Variants in ACTN2 observed in about 807,000 individuals in gnomAD.
ACTN2 encodes alpha-actinin-2.
In ACTN2, 39 loss-of-function variants were observed where a neutral mutation model predicts 113.8. The ratio of observed to expected loss-of-function variants is 0.34; its 90% CI spans 0.27 to 0.45. ACTN2 has a LOEUF of 0.45. Ranked by LOEUF, ACTN2 falls within the 20% of genes least tolerant of loss-of-function variation. The pLI is 1.00. For missense variants in ACTN2, 992 were observed against 1,177.9 expected (o/e 0.84, Z 2.31); for synonymous variants, 429 against 444.1 (o/e 0.97, Z 0.43).
rs1248687374 is a variant in ACTN2 at position 236,751,529 on chromosome 1, G to A, written c.1716G>A (p.Arg572=). 1 of 1,614,128 alleles carries A rather than the reference G, an allele frequency of 6.2e-7. No homozygotes were observed. The highest frequency in any genetic ancestry group is 8.5e-7 in the Non-Finnish European group (1 of 1,180,024). The change falls in exon 15 of 21, where the codon CGG becomes CGA. Residue 572 remains arginine (R), a synonymous_variant. Transcript: ENST00000366578. ...KATLPEADGE[R]QSIMAIQNEV... is the part of the protein sequence containing the mutation. ...CGCTGCCCGAGGCGGACGGAGAGCG[G>A]CAGTCCATCATGGCCATCCAGAACG... is the stretch of plus-strand genomic sequence containing the variant.
Position 236,762,810 on chromosome 1 carries a change from G to A in ACTN2, c.*191G>A. On this transcript the variant is annotated 3_prime_UTR_variant, in exon 21 of 21. Coordinates refer to ENST00000366578, the MANE Select transcript of ACTN2 (RefSeq NM_001103.4). ...TGAAGTTTTTACAGTATATGACATA[G>A]TGCGCTTCATAAATAGGTTTATTTC... 1 of 661,536 alleles carries A rather than the reference G, an allele frequency of 1.5e-6. No individual in the cohort carries two copies. Among genetic ancestry groups the A allele is most frequent in the Non-Finnish European group, 2.6e-6 (1 of 384,018 alleles). 41.0% of individuals were successfully genotyped at this position (661,536 alleles called of 1,614,324 possible).
intron 1 of ACTN2, among the ~76,000 whole-genome samples, chr1:236,694,527 CT>C (rs1446263036): frequency 6.6e-6 from 1 of 152,088 alleles, no homozygotes; most frequent in Non-Finnish European, 1.5e-5. Context: ...CTGGCCCGCA[CT>C]GACATTTATT....
intron 1 of ACTN2, among the ~76,000 whole-genome samples, chr1:236,689,648 C>T (rs1572089358): frequency 6.6e-6 from 1 of 152,160 alleles, no homozygotes; most frequent in African/African-American, 2.4e-5. Flanking sequence ...CCACGATGCT[C>T]AGCCCCAGAT....
At chr1:236,759,305 A>C (rs1004186513) in intron 18 of ACTN2, among the ~76,000 whole-genome samples, 5 of 152,248 alleles carry the variant, frequency 3.3e-5, no homozygotes, top group Non-Finnish European at 7.3e-5. Flanking sequence ...GCTACTTTAT[A>C]GGAAGAAAGC....
At chr1:236,723,378 A>G (rs1658456678) in intron 4 of ACTN2, among the ~76,000 whole-genome samples, 1 of 152,192 alleles carries the variant, frequency 6.6e-6, no homozygotes, top group Admixed American at 6.5e-5. Flanking sequence ...GTTATAGCAC[A>G]TGGAACTTTA....
At chr1:236,688,775 G>T (rs902637917) in intron 1 of ACTN2, among the ~76,000 whole-genome samples, 1 of 152,152 alleles carries the variant, frequency 6.6e-6, no homozygotes, top group Non-Finnish European at 1.5e-5. Context: ...TGAACTGTGA[G>T]CTCAGTGTGG....
Position 236,754,424 on chromosome 1 carries a change from G to A in ACTN2, c.1974+343G>A, listed in dbSNP as rs767708206. ...CCATCTATCCCTACAAGGAGGACAC[G>A]TGAAGGCCCACAAATACTTTGCATT... On this transcript the variant is annotated intron_variant, in intron 16 of 20. Coordinates refer to ENST00000366578, the MANE Select transcript of ACTN2 (RefSeq NM_001103.4). This position sits in a 1 kb window ranked among gnomAD's most constrained non-coding sequence, Gnocchi z 4.9. Among the ~76,000 whole-genome samples, 7 of 152,210 alleles carry A rather than the reference G, an allele frequency of 4.6e-5. No individual in the cohort carries two copies. Among genetic ancestry groups the A allele is most frequent in the African/African-American group, 9.7e-5 (4 of 41,444 alleles).
rs188238558 is a variant in ACTN2 at position 236,754,579 on chromosome 1, T to C, written c.1975-440T>C. On this transcript the variant is annotated intron_variant, in intron 16 of 20. Coordinates refer to ENST00000366578, the MANE Select transcript of ACTN2 (RefSeq NM_001103.4). This position sits in a 1 kb window ranked among gnomAD's most constrained non-coding sequence, Gnocchi z 4.9. Reference sequence around the variant, plus strand: ...ACCCTTTTGGTGTTGAAATATTGACTTTTTTCTTAAAGCGGAGACCATGTA... The same window carrying C: ...ACCCTTTTGGTGTTGAAATATTGACCTTTTTCTTAAAGCGGAGACCATGTA... Among the ~76,000 whole-genome samples, 853 of 152,270 alleles carry C rather than the reference T, an allele frequency of 5.6e-3. 22 individuals carry two copies. Among genetic ancestry groups the C allele is most frequent in the Non-Finnish European group, 1.4e-3 (93 of 68,024 alleles).
chr1:236,700,043 C>G (rs1657627973), intron 1 of ACTN2, among the ~76,000 whole-genome samples: 1 of 152,152 alleles, frequency 6.6e-6, no homozygotes, highest in Non-Finnish European at 1.5e-5. Flanking sequence ...GTCTGCTTCA[C>G]CTGTACACCA....
At chr1:236,752,820 TG>T (rs1330820400) in intron 15 of ACTN2, among the ~76,000 whole-genome samples, 2 of 152,168 alleles carry the variant, frequency 1.3e-5, no homozygotes, top group African/African-American at 2.4e-5. Flanking sequence ...CCCAAAGTGC[TG>T]GGATTACAGG....
rs1333550214 is a variant in ACTN2 at position 236,747,764 on chromosome 1, G to A, written c.1504G>A (p.Glu502Lys). 3 of 1,613,456 alleles carry A rather than the reference G, an allele frequency of 1.9e-6. No individual in the cohort carries two copies. The highest frequency in any genetic ancestry group is 1.7e-6 in the Non-Finnish European group (2 of 1,179,560). ...GGGAACGCTTACTCAGAAGAGGAGA[G>A]AAGCCCTAGAGGTGAAGTATTGAAG... ...RLGTLTQKRREALERMEKLLE... is the reference protein window; with the variant it reads ...RLGTLTQKRRKALERMEKLLE... Residue 502 changes from glutamate to lysine, a missense_variant, in exon 13 of 21, where the codon GAA (glutamate) becomes AAA (lysine). Physicochemically the swap from Glu to Lys is moderately conservative, Grantham distance 56. Coordinates refer to ENST00000366578, the MANE Select transcript of ACTN2 (RefSeq NM_001103.4).
At chr1:236,730,423 C>T (rs76345693) in intron 6 of ACTN2, among the ~76,000 whole-genome samples, 2,405 of 152,118 alleles carry the variant, frequency 0.016, 21 homozygotes, top group Middle Eastern at 0.051. Flanking sequence ...GAAAACATTG[C>T]GGTTTCTAAA....
At chr1:236,717,278 T>TA (rs886480087) in intron 1 of ACTN2, among the ~76,000 whole-genome samples, 9 of 150,972 alleles carry the variant, frequency 6.0e-5, no homozygotes, top group African/African-American at 9.7e-5. Context: ...ACCCCATCTC[T>TA]AAAAAAAAAT....
In ACTN2 at chr1:236,749,245, A is replaced by G. The variant is rs1659325362; in HGVS notation, c.1637A>G (p.His546Arg). 1.2e-6 allele frequency: 2 copies of G among 1,614,200 alleles called. No individual in the cohort carries two copies. Among genetic ancestry groups the G allele is most frequent in the Non-Finnish European group, 1.7e-6 (2 of 1,180,038 alleles). The change falls in exon 14 of 21, where the codon CAC becomes CGC. Residue 546 changes from histidine (H) to arginine (R), a missense_variant. Around this residue, in one of 3 missense-constraint regions of ACTN2, gnomAD observed 736 missense variants for 815.4 expected, o/e 0.90. Coordinates refer to ENST00000366578, the MANE Select transcript of ACTN2 (RefSeq NM_001103.4). ...MEDLQDMFIVHSIEEIQSLIT... is the reference protein window; with the variant it reads ...MEDLQDMFIVRSIEEIQSLIT... ...GATCTGCAAGATATGTTCATTGTCCACAGCATTGAGGAGATCCAGGTAATG... is the reference window on the plus strand; with the variant it reads ...GATCTGCAAGATATGTTCATTGTCCGCAGCATTGAGGAGATCCAGGTAATG...
chr1:236,690,586 T>A (rs1206258224), intron 1 of ACTN2, among the ~76,000 whole-genome samples: 1 of 152,176 alleles, frequency 6.6e-6, no homozygotes, highest in East Asian at 1.9e-4. Flanking sequence ...GTTAAACTGT[T>A]TTATGGTGAA....
In ACTN2 at chr1:236,737,318, T is replaced by TATATATATATATATATATATATA. The variant is rs1465770912; in HGVS notation, c.876+104_876+105insATATATATATATATATATATATA. 1.7e-3 allele frequency: 490 copies of TATATATATATATATATATATATA among 296,340 alleles called. 107 individuals carry two copies. The highest frequency in any genetic ancestry group is 2.6e-3 in the Non-Finnish European group (377 of 145,938). 18.4% of individuals were successfully genotyped at this position (296,340 alleles called of 1,614,324 possible). On this transcript the variant is annotated intron_variant, in intron 9 of 20. Transcript: ENST00000366578. ...GGGGGCATATATATATATATATATA[T>TATATATATATATATATATATATA]TTTGCATTTTTCATCTCAGATAGGA...
chr1:236,752,513 G>A, intron 15 of ACTN2, among the ~76,000 whole-genome samples: 1 of 139,236 alleles, frequency 7.2e-6, no homozygotes, highest in Non-Finnish European at 1.6e-5. Context: ...GGGGGTGGGG[G>A]CGGGGGGAGG....
intron 7 of ACTN2, among the ~76,000 whole-genome samples, chr1:236,733,403 T>G (rs1162139546): frequency 6.6e-6 from 1 of 152,126 alleles, no homozygotes; most frequent in African/African-American, 2.4e-5. Flanking sequence ...TTCCTTAGTC[T>G]CTGAGTCCTG....
chr1:236,713,472 C>G (rs1572108286), intron 1 of ACTN2, among the ~76,000 whole-genome samples: 1 of 152,156 alleles, frequency 6.6e-6, no homozygotes, highest in East Asian at 1.9e-4. Flanking sequence ...AGTGATCCAC[C>G]CACTTTGGCC....
Sources: allele counts gnomAD v4.1 joint callset (sites outside exome capture counted in the v4.1 genomes callset), GRCh38; gene constraint gnomAD v4.1.1; regional missense constraint gnomAD v4.1.1; non-coding constraint Gnocchi (gnomAD v3.1); transcripts MANE v1.5; gene names NCBI Gene and HGNC (gene_info 2026-07-23, HGNC 2026-07-21).